Variants in HMGN3 observed in about 807,000 individuals in gnomAD.
The protein encoded by HMGN3 is high mobility group nucleosome-binding domain-containing protein 3.
In HMGN3, 6 loss-of-function variants were observed where a neutral mutation model predicts 18.8. That is an observed-to-expected ratio of 0.32 (90% confidence interval 0.18 to 0.63). The LOEUF (loss-of-function observed/expected upper bound fraction) is 0.63. Ranked by LOEUF, HMGN3 falls within the 30% of genes least tolerant of loss-of-function variation. The probability of loss-of-function intolerance (pLI) is 0.79; values close to 1 mark genes in which losing one functional copy is unlikely to be tolerated. For synonymous variants in HMGN3, 40 were observed against 36.5 expected, an observed-to-expected ratio of 1.10 and a Z score of -0.35; for missense variants, 107 against 114.2, an observed-to-expected ratio of 0.94 and a Z score of 0.29.
At chr6:79,208,603 TA>T in intron 2 of HMGN3, 27 bp from the exon 3 acceptor site, 8 of 1,569,574 alleles carry the variant, frequency 5.1e-6, no homozygotes, top group Non-Finnish European at 7.0e-6. Flanking sequence ...AAAATATACA[TA>T]TTTTTTGGTG....
chr6:79,228,375 C>A (rs561894185), intron 1 of HMGN3, among the ~76,000 whole-genome samples: 1 of 152,230 alleles, frequency 6.6e-6, no homozygotes, highest in South Asian at 2.1e-4. Flanking sequence ...AATGTACAGC[C>A]CTGCCATTTT....
intron 1 of HMGN3, among the ~76,000 whole-genome samples, chr6:79,215,333 G>A (rs1272187203): frequency 6.6e-6 from 1 of 152,188 alleles, no homozygotes; most frequent in East Asian, 1.9e-4. Flanking sequence ...AAAGAACAGG[G>A]GCCAGAGGTC....
At chr6:79,234,469 CG>C in intron 1 of HMGN3, 76 bp downstream of exon 1, 1 of 1,434,936 alleles carries the variant, frequency 7.0e-7, no homozygotes, top group Non-Finnish European at 9.8e-7. Flanking sequence ...GCGCGTTCTG[CG>C]CGAGCCATTG....
intron 2 of HMGN3, among the ~76,000 whole-genome samples, chr6:79,214,408 A>T (rs961055172): frequency 1.3e-5 from 2 of 151,948 alleles, no homozygotes; most frequent in South Asian, 4.1e-4. Flanking sequence ...TCACCGTGTT[A>T]GCCAGGATGG....
intron 1 of HMGN3, among the ~76,000 whole-genome samples, chr6:79,231,876 T>A (rs1344177679): frequency 1.3e-5 from 2 of 152,222 alleles, no homozygotes; most frequent in African/African-American, 4.8e-5. Context: ...GCTAGTCTTA[T>A]CACCTCATTG....
Position 79,202,164 on chromosome 6 carries a change from A to G in HMGN3, c.261+112T>C. The G allele has an allele frequency of 6.3e-7, 1 of 1,595,514 alleles. No individual in the cohort carries two copies. The highest frequency in any genetic ancestry group is 8.5e-7 in the Non-Finnish European group (1 of 1,175,092). On this transcript the variant is annotated intron_variant, in intron 5 of 5. Transcript: ENST00000344726. ...GAGCGAGAGATGTGGATCTGCAATAACATTACAGGCAATAAAAAGAGACAT... is the reference window on the plus strand; with the variant it reads ...GAGCGAGAGATGTGGATCTGCAATAGCATTACAGGCAATAAAAAGAGACAT...
chr6:79,229,880 A>G (rs1263677972), intron 1 of HMGN3, among the ~76,000 whole-genome samples: 1 of 149,842 alleles, frequency 6.7e-6, no homozygotes, highest in East Asian at 1.9e-4. Flanking sequence ...TCCGCCTCCA[A>G]AAAAAAAAAT....
chr6:79,202,979 C>T (rs532054407), intron 4 of HMGN3, among the ~76,000 whole-genome samples: 1 of 152,230 alleles, frequency 6.6e-6, no homozygotes, highest in South Asian at 2.1e-4. Flanking sequence ...GGGACAATAC[C>T]AAAGGGCAGA....
At chr6:79,234,377 G>GGC (rs1366395176) in intron 1 of HMGN3, 169 bp downstream of exon 1, 1 of 428,596 alleles carries the variant, frequency 2.3e-6, no homozygotes. Flanking sequence ...GGGTAGGGGG[G>GGC]ACAGAGAGAG....
chr6:79,203,320 C>A (rs1247360567), intron 4 of HMGN3, among the ~76,000 whole-genome samples: 1 of 152,168 alleles, frequency 6.6e-6, no homozygotes, highest in African/African-American at 2.4e-5. Context: ...CGCATGTTCA[C>A]GAGGCTGCTG....
At chr6:79,226,452 A>C (rs1777572068) in intron 1 of HMGN3, among the ~76,000 whole-genome samples, 1 of 152,224 alleles carries the variant, frequency 6.6e-6, no homozygotes, top group Non-Finnish European at 1.5e-5. Flanking sequence ...TCATAGAAAG[A>C]GACCTCTTTC....
At chr6:79,230,693 A>C (rs1378736928) in intron 1 of HMGN3, among the ~76,000 whole-genome samples, 1 of 152,198 alleles carries the variant, frequency 6.6e-6, no homozygotes, top group South Asian at 2.1e-4. Context: ...GTGAGATGCT[A>C]TCTTTTTAAA....
chr6:79,202,306 T>C (rs762082238), exon 5 of HMGN3: 1 of 1,614,192 alleles, frequency 6.2e-7, no homozygotes, highest in East Asian at 2.2e-5. Flanking sequence ...CATTTTCAGA[T>C]GGTGCAGTAC....
chr6:79,207,956 G>A (rs945365069), intron 3 of HMGN3, among the ~76,000 whole-genome samples: 1 of 152,174 alleles, frequency 6.6e-6, no homozygotes, highest in Admixed American at 6.5e-5. Flanking sequence ...ATAAGAACCA[G>A]TAAGGAGCAC....
At position 79,211,091 on chromosome 6, in the gene HMGN3, A is replaced by G. The variant is rs531438985; in HGVS notation, c.67-2515T>C. Among the ~76,000 whole-genome samples the G allele has an allele frequency of 2.7e-5, 4 of 150,586 alleles. No individual in the cohort carries two copies. In the East Asian group the frequency reaches 7.8e-4, roughly 29 times the overall value. ...AAATCCTATCTTCTATTATAAAATC[A>G]TTTTATGACTTGCTACATACAATTT... is the stretch of plus-strand genomic sequence containing the variant. On this transcript the variant is annotated intron_variant, in intron 2 of 5. Coordinates refer to ENST00000344726, the Ensembl canonical transcript of HMGN3.
Position 79,234,637 on chromosome 6 carries a change from C to A in HMGN3, c.-77G>T, listed in dbSNP as rs1582462249. ...CGCCGCCGCTGGATGCTGCCTCTGC[C>A]TCTGCAGCTGCTCACGCGCAGGGCA... On this transcript the variant is annotated 5_prime_UTR_variant, in exon 1 of 6. The change creates a new upstream start codon in the 5' untranslated region. Transcript: ENST00000344726. 2 of 1,479,614 alleles carry A rather than the reference C, an allele frequency of 1.4e-6. No homozygotes were observed. Among genetic ancestry groups the A allele is most frequent in the Non-Finnish European group, 1.9e-6 (2 of 1,060,748 alleles). The allele number at this position is 1,479,614 out of a possible 1,614,324, so 91.7% of individuals were successfully genotyped here. A position where few individuals can be genotyped will look rare whatever the true frequency, so the allele number is the denominator to read the frequency against.
At chr6:79,224,733 G>A (rs1379011160) in intron 1 of HMGN3, among the ~76,000 whole-genome samples, 2 of 152,164 alleles carry the variant, frequency 1.3e-5, no homozygotes. Context: ...GACGTCAAGT[G>A]ACCTTCCCGA....
chr6:79,230,239 C>A (rs1284534278), intron 1 of HMGN3, among the ~76,000 whole-genome samples: 1 of 152,086 alleles, frequency 6.6e-6, no homozygotes, highest in Admixed American at 6.5e-5. Flanking sequence ...AAAGGCAAAT[C>A]TAGATACAGC....
chr6:79,227,586 T>C (rs1777624361), intron 1 of HMGN3, among the ~76,000 whole-genome samples: 1 of 152,214 alleles, frequency 6.6e-6, no homozygotes, highest in Non-Finnish European at 1.5e-5. Flanking sequence ...GAATTCACTA[T>C]CTCAGTTAAT....
Sources: allele counts gnomAD v4.1 joint callset (sites outside exome capture counted in the v4.1 genomes callset), GRCh38; gene constraint gnomAD v4.1.1; transcripts MANE v1.5; gene names NCBI Gene and HGNC (gene_info 2026-07-23, HGNC 2026-07-21).